The following DNAH6 variants were observed in gnomAD, a reference collection of about 807,000 sequenced individuals.
DNAH6 encodes dynein axonemal heavy chain 6, also known as axonemal beta dynein heavy chain 6.
In DNAH6, 340 loss-of-function variants were observed where a neutral mutation model predicts 491.4. The ratio of observed to expected loss-of-function variants is 0.69; its 90% CI spans 0.63 to 0.76. The LOEUF is 0.76. DNAH6 is among the 30% of genes least tolerant of loss of function. DNAH6 has a pLI of 0.00. For missense variants in DNAH6, 4,443 were observed against 4,972.2 expected (o/e 0.89, Z 3.20); for synonymous variants, 1,603 against 1,686.1 (o/e 0.95, Z 1.21).
Position 84,686,474 on chromosome 2 carries a change from C to G in DNAH6, c.7064-10C>G. ...ATTATATTTAAAACTTGGTTTTGTT[C>G]TTTAAATAGACAAACATTTTGGAAT... On this transcript the variant is annotated splice_polypyrimidine_tract_variant and intron_variant, in intron 43 of 76. Transcript: ENST00000389394. The G allele has an allele frequency of 6.7e-7, 1 of 1,481,900 alleles. No homozygotes were observed. Among genetic ancestry groups the G allele is most frequent in the Non-Finnish European group, 9.2e-7 (1 of 1,088,154 alleles). The allele number at this position is 1,481,900 out of a possible 1,614,324, so 91.8% of individuals were successfully genotyped here.
chr2:84,493,580 A>C, the DNAH6 span, among the ~76,000 whole-genome samples: 1 of 152,200 alleles, frequency 6.6e-6, no homozygotes. Context: ...ATGCTGAAAA[A>C]TTTCTCTCCA....
At chr2:84,684,232 C>T (rs556840174) in intron 42 of DNAH6, among the ~76,000 whole-genome samples, 2 of 152,300 alleles carry the variant, frequency 1.3e-5, no homozygotes, top group South Asian at 2.1e-4. Context: ...AATATGACTT[C>T]GTTTCTTTCA....
At chr2:84,523,433 T>C (rs190897395) in intron 2 of DNAH6, among the ~76,000 whole-genome samples, 2 of 151,982 alleles carry the variant, frequency 1.3e-5, no homozygotes, top group African/African-American at 2.4e-5. Context: ...TCTTTTCCAT[T>C]TTTTTTATTT....
At chr2:84,528,450 G>A (rs1417890211) in intron 3 of DNAH6, among the ~76,000 whole-genome samples, 9 of 152,174 alleles carry the variant, frequency 5.9e-5, no homozygotes, top group Non-Finnish European at 1.2e-4. Flanking sequence ...TCACAAAGAA[G>A]TAAAGTTATT....
intron 29 of DNAH6, among the ~76,000 whole-genome samples, chr2:84,625,417 T>C (rs1687768177): frequency 6.6e-6 from 1 of 152,156 alleles, no homozygotes; most frequent in Non-Finnish European, 1.5e-5. Context: ...ATTTAGAGAA[T>C]GGTGTATTGA....
intron 10 of DNAH6, 143 bp downstream of exon 10, chr2:84,553,177 C>T (rs200448791): frequency 1.6e-6 from 1 of 628,448 alleles, no homozygotes; most frequent in Non-Finnish European, 2.8e-6. Flanking sequence ...TGTTTTGTCA[C>T]AGCATTATAG....
chr2:84,764,268 A>G (rs193029867), intron 64 of DNAH6, among the ~76,000 whole-genome samples: 13 of 152,330 alleles, frequency 8.5e-5, no homozygotes, highest in Non-Finnish European at 1.9e-4. Flanking sequence ...ACTTATTAAG[A>G]GTTTCTGTGA....
rs1204872440 is a variant in DNAH6 at position 84,544,608 on chromosome 2, C to T, written c.930+108C>T. The stretch of plus-strand genomic sequence containing the variant: ...TTCTTGAAATCAAATATTTTATATT[C>T]TTAAGAGAATTCCCAGTTTTCATCC... On this transcript the variant is annotated intron_variant, in intron 5 of 76. Coordinates refer to ENST00000389394, the MANE Select transcript of DNAH6 (RefSeq NM_001370.2). 3 of 673,814 alleles carry T rather than the reference C, an allele frequency of 4.5e-6. No individual in the cohort carries two copies. In the African/African-American group the frequency reaches 5.3e-5, roughly 12 times the overall value. 41.7% of individuals were successfully genotyped at this position (673,814 alleles called of 1,614,324 possible).
chr2:84,485,127 A>G, the DNAH6 span, among the ~76,000 whole-genome samples: 1,701 of 152,320 alleles, frequency 0.011, 29 homozygotes, highest in African/African-American at 0.039. Context: ...ATTCTTCTCC[A>G]TCCTAATCTC....
chr2:84,495,244 C>T, the DNAH6 span, among the ~76,000 whole-genome samples: 1 of 152,214 alleles, frequency 6.6e-6, no homozygotes, highest in Non-Finnish European at 1.5e-5. Context: ...CTCACTGCAA[C>T]CTCCACCTCC....
intron 42 of DNAH6, among the ~76,000 whole-genome samples, chr2:84,683,038 A>C (rs951859698): frequency 1.3e-5 from 2 of 148,796 alleles, no homozygotes; most frequent in African/African-American, 4.9e-5. Flanking sequence ...ACCGCTGTAC[A>C]TTGCTTGCAA....
rs1322094508 is a variant in DNAH6, at chr2:84,797,666, G to A, written c.11481+8G>A. On this transcript the variant is annotated splice_region_variant and intron_variant, in intron 70 of 76. Transcript: ENST00000389394. ...GCTAATCTAGTCTTCCAGGTATGTG[G>A]CCTTTCATCTTAAAATACATATTTA... The A allele has an allele frequency of 1.4e-5, 21 of 1,549,314 alleles. No individual in the cohort carries two copies. The highest frequency in any genetic ancestry group is 1.7e-5 in the Non-Finnish European group (19 of 1,145,446).
At chr2:84,552,850 TG>T (rs1164424922) in intron 9 of DNAH6, 67 bp from the exon 10 acceptor site, 2 of 842,126 alleles carry the variant, frequency 2.4e-6, no homozygotes, top group Non-Finnish European at 3.6e-6. Flanking sequence ...ACATGTCCCT[TG>T]TTTTTTTATT....
intron 18 of DNAH6, among the ~76,000 whole-genome samples, 156 bp from the exon 19 acceptor site, chr2:84,604,183 G>A (rs1366116131): frequency 6.6e-6 from 1 of 152,196 alleles, no homozygotes; most frequent in East Asian, 1.9e-4. Flanking sequence ...GGCTCAATTA[G>A]AGTCATTAAT....
At chr2:84,562,249 G>A (rs1214615742) in intron 11 of DNAH6, among the ~76,000 whole-genome samples, 1 of 151,962 alleles carries the variant, frequency 6.6e-6, no homozygotes, top group East Asian at 1.9e-4. Context: ...TCGTCACTCA[G>A]AGAAAGAAAG....
rs116202782 is a variant in DNAH6, at chr2:84,810,726, C to G, written c.11740-1615C>G. On this transcript the variant is annotated intron_variant, in intron 72 of 76. Transcript: ENST00000389394. ...TTGGGGAATGCCATCCTGGTGAACC[C>G]ACTCTCCTCCAGACAGAACCGTGGG... 2.0e-3 allele frequency among the ~76,000 whole-genome samples: 307 copies of G among 152,292 alleles called. 2 individuals are homozygous for G. The highest frequency in any genetic ancestry group is 0.018 in the East Asian group (94 of 5,176).
At chr2:84,701,474 C>G (rs1695894531) in intron 49 of DNAH6, 135 bp downstream of exon 49, 3 of 910,258 alleles carry the variant, frequency 3.3e-6, no homozygotes, top group Non-Finnish European at 4.8e-6. Context: ...TAAAGAAATA[C>G]CTGAGACTGG....
intron 22 of DNAH6, 44 bp from the exon 23 acceptor site, chr2:84,616,842 A>C (rs1417495621): frequency 2.1e-5 from 23 of 1,085,766 alleles, no homozygotes; most frequent in Non-Finnish European, 2.7e-5. Flanking sequence ...AAAAAATTTG[A>C]TTTTAACACA....
intron 64 of DNAH6, among the ~76,000 whole-genome samples, chr2:84,768,367 A>C (rs750346134): frequency 6.6e-5 from 10 of 152,032 alleles, no homozygotes; most frequent in Non-Finnish European, 1.2e-4. Flanking sequence ...GAGTCTAAAA[A>C]TATTTATCAA....
Sources: allele counts gnomAD v4.1 joint callset (sites outside exome capture counted in the v4.1 genomes callset), GRCh38; gene constraint gnomAD v4.1.1; transcripts MANE v1.5; gene names NCBI Gene and HGNC (gene_info 2026-07-23, HGNC 2026-07-21).